Variants in AFG2A observed in about 807,000 individuals in gnomAD.
AFG2A encodes AAA ATPase AFG2A, also known as ATPase family gene 2 protein homolog A.
chr4:123,314,100 C>A, the AFG2A span: 1 of 1,447,988 alleles, frequency 6.9e-7, no homozygotes. Flanking sequence ...AAAATCCTTT[C>A]CAGAGAAAAT....
At chr4:123,112,219 T>C in the AFG2A span, among the ~76,000 whole-genome samples, 2 of 152,204 alleles carry the variant, frequency 1.3e-5, no homozygotes, top group Non-Finnish European at 2.9e-5. Flanking sequence ...AATTAAAAGA[T>C]AGCTTAATAT....
the AFG2A span, among the ~76,000 whole-genome samples, chr4:123,092,525 T>G: frequency 6.6e-6 from 1 of 152,234 alleles, no homozygotes; most frequent in Admixed American, 6.5e-5. Context: ...TTGGCCTGTT[T>G]AGTGCTTGTA....
chr4:123,002,475 C>T, the AFG2A span, among the ~76,000 whole-genome samples: 1 of 152,166 alleles, frequency 6.6e-6, no homozygotes, highest in Non-Finnish European at 1.5e-5. Flanking sequence ...GTGCTTCCTT[C>T]AGGAGCTCTT....
At chr4:123,012,918 C>T in the AFG2A span, among the ~76,000 whole-genome samples, 1 of 152,260 alleles carries the variant, frequency 6.6e-6, no homozygotes, top group South Asian at 2.1e-4. Context: ...TCTCCCAAGG[C>T]AGGCCCCCCT....
the AFG2A span, among the ~76,000 whole-genome samples, chr4:123,115,209 G>C: frequency 6.9e-6 from 1 of 145,102 alleles, no homozygotes; most frequent in Non-Finnish European, 1.5e-5. Context: ...TGGCAGCCTG[G>C]GGCTCCTCCT....
the AFG2A span, among the ~76,000 whole-genome samples, chr4:123,120,274 A>G: frequency 6.6e-6 from 1 of 152,174 alleles, no homozygotes; most frequent in Non-Finnish European, 1.5e-5. Flanking sequence ...TAGTTTCCAT[A>G]TTTAAATTTC....
chr4:122,949,735 T>A, the AFG2A span, among the ~76,000 whole-genome samples: 1 of 152,180 alleles, frequency 6.6e-6, no homozygotes, highest in African/African-American at 2.4e-5. Flanking sequence ...GGCTCCCCTC[T>A]GTAATGTGTT....
the AFG2A span, among the ~76,000 whole-genome samples, chr4:123,240,808 C>T: frequency 6.6e-6 from 1 of 152,028 alleles, no homozygotes; most frequent in Non-Finnish European, 1.5e-5. Flanking sequence ...GATAGACACA[C>T]ACAAAAAACC....
At chr4:123,263,304 A>G in the AFG2A span, among the ~76,000 whole-genome samples, 2 of 152,168 alleles carry the variant, frequency 1.3e-5, no homozygotes, top group South Asian at 2.1e-4. Context: ...TTGTCAGAGC[A>G]TGAGCAACAT....
At chr4:123,214,697 A>G in the AFG2A span, among the ~76,000 whole-genome samples, 1 of 152,050 alleles carries the variant, frequency 6.6e-6, no homozygotes, top group African/African-American at 2.4e-5. Context: ...AAATTATCAA[A>G]ACCTACACAC....
At chr4:122,943,274 C>T in the AFG2A span, among the ~76,000 whole-genome samples, 1 of 152,128 alleles carries the variant, frequency 6.6e-6, no homozygotes, top group African/African-American at 2.4e-5. Context: ...GCGTCTAAGT[C>T]TCTTTGTAGG....
At chr4:122,962,516 CTG>C in the AFG2A span, among the ~76,000 whole-genome samples, 2 of 152,120 alleles carry the variant, frequency 1.3e-5, no homozygotes, top group Non-Finnish European at 2.9e-5. Flanking sequence ...TTTGAGATGA[CTG>C]GAACTGAATG....
chr4:123,308,470 C>T, the AFG2A span, among the ~76,000 whole-genome samples: 10 of 152,144 alleles, frequency 6.6e-5, no homozygotes, highest in Admixed American at 6.5e-4. Context: ...CTGAGCTCCA[C>T]CTCCTGTCAG....
At chr4:123,000,977 T>G in the AFG2A span, among the ~76,000 whole-genome samples, 1 of 122,860 alleles carries the variant, frequency 8.1e-6, no homozygotes, top group Non-Finnish European at 1.8e-5. Flanking sequence ...TGCCACAATT[T>G]CAGATCCTGT....
chr4:123,231,108 A>G, the AFG2A span, among the ~76,000 whole-genome samples: 2 of 151,958 alleles, frequency 1.3e-5, no homozygotes, highest in African/African-American at 2.4e-5. Flanking sequence ...TTAGCCCCCA[A>G]CAAGAGAGTC....
At chr4:123,145,413 CT>C in the AFG2A span, among the ~76,000 whole-genome samples, 9 of 152,062 alleles carry the variant, frequency 5.9e-5, no homozygotes, top group African/African-American at 2.2e-4. Context: ...ATAAAACTCA[CT>C]GGTTATATGA....
At chr4:123,097,361 T>A in the AFG2A span, among the ~76,000 whole-genome samples, 4 of 147,262 alleles carry the variant, frequency 2.7e-5, no homozygotes, top group Non-Finnish European at 4.5e-5. Context: ...AAGTCAGAAC[T>A]AAAAAAAAAA....
At chr4:123,090,513 A>C in the AFG2A span, 1 of 1,564,328 alleles carries the variant, frequency 6.4e-7, no homozygotes, top group Non-Finnish European at 8.7e-7. Context: ...GAACCTTTAA[A>C]AATTAATAGA....
chr4:123,018,486 A>G, the AFG2A span, among the ~76,000 whole-genome samples: 1 of 152,200 alleles, frequency 6.6e-6, no homozygotes, highest in Non-Finnish European at 1.5e-5. Flanking sequence ...GAAAGATGAT[A>G]TACTGTCTGA....
Sources: gnomAD v4.1 joint callset for allele counts (sites outside exome capture counted in the v4.1 genomes callset) on GRCh38, gnomAD v4.1.1 for gene constraint, MANE v1.5 for transcripts, NCBI Gene and HGNC (gene_info 2026-07-23, HGNC 2026-07-21) for gene names.